The following MYO1D variants were observed in gnomAD, a reference collection of about 807,000 sequenced individuals.
MYO1D encodes myosin ID.
MYO1D carries 83 observed loss-of-function variants against 122.0 expected under a neutral mutation model. The observed-to-expected ratio is 0.68, with a 90% CI of 0.57 to 0.82. The LOEUF is 0.82. Among genes scored for constraint, MYO1D ranks in the 40% least tolerant of loss-of-function variants. MYO1D has a pLI of 0.00. For missense variants in MYO1D, 1,157 were observed against 1,269.5 expected (o/e 0.91, Z 1.35); for synonymous variants, 464 against 446.9 (o/e 1.04, Z -0.48).
At chr17:32,794,359 A>T (rs1416801821) in intron 1 of MYO1D, 1 of 152,146 alleles carries the variant, frequency 6.6e-6, no homozygotes, top group Non-Finnish European at 1.5e-5. Context: ...GAATTATCTT[A>T]CCTTTCCTCT....
At chr17:32,697,889 T>C (rs2089193586) in intron 16 of MYO1D, among the ~76,000 whole-genome samples, 1 of 152,230 alleles carries the variant, frequency 6.6e-6, no homozygotes, top group Non-Finnish European at 1.5e-5. Flanking sequence ...TCTGAACACA[T>C]CACCTTTGTG....
chr17:32,718,978 A>G (rs2089478307), intron 15 of MYO1D, among the ~76,000 whole-genome samples: 1 of 152,228 alleles, frequency 6.6e-6, no homozygotes. Flanking sequence ...ATTTCTGCCT[A>G]GATACTTAGT....
At chr17:32,611,300 C>T (rs1006000798) in intron 20 of MYO1D, among the ~76,000 whole-genome samples, 1 of 152,158 alleles carries the variant, frequency 6.6e-6, no homozygotes, top group African/African-American at 2.4e-5. Context: ...TGATAAATTA[C>T]ATACACAATG....
At chr17:32,782,379 T>C (rs1042612747) in intron 1 of MYO1D, among the ~76,000 whole-genome samples, 2 of 152,166 alleles carry the variant, frequency 1.3e-5, no homozygotes, top group African/African-American at 4.8e-5. Flanking sequence ...AATGCTCACA[T>C]TGCAAACTCA....
chr17:32,646,135 GA>G (rs1239784180), intron 19 of MYO1D, among the ~76,000 whole-genome samples: 5 of 152,122 alleles, frequency 3.3e-5, no homozygotes, highest in Non-Finnish European at 2.9e-5. Flanking sequence ...AGGATCCCAT[GA>G]ATATATTAAA....
chr17:32,752,947 C>T (rs932336751), intron 11 of MYO1D, among the ~76,000 whole-genome samples: 3 of 151,890 alleles, frequency 2.0e-5, no homozygotes, highest in African/African-American at 4.8e-5. Flanking sequence ...CCAGGTATAA[C>T]GAAAAGATAT....
chr17:32,525,286 G>C (rs544250207), intron 21 of MYO1D, among the ~76,000 whole-genome samples: 10 of 152,352 alleles, frequency 6.6e-5, no homozygotes, highest in Non-Finnish European at 7.3e-5. Context: ...ATCTCACTGA[G>C]AGACCTGATC....
chr17:32,826,119 T>C (rs2090720579), intron 1 of MYO1D, among the ~76,000 whole-genome samples: 1 of 151,852 alleles, frequency 6.6e-6, no homozygotes, highest in South Asian at 2.1e-4. Flanking sequence ...GAGAATACAC[T>C]TCCTGAAGAA....
In MYO1D at chr17:32,638,385, C is replaced by T. The variant is rs1325118265; in HGVS notation, c.2709+337G>A. The stretch of plus-strand genomic sequence containing the variant: ...AGTAATATTTTAAGTAATCCCCTAC[C>T]GATTTTCTACCATTTCCATATAAAA... On this transcript the variant is annotated intron_variant, in intron 20 of 21. Coordinates refer to ENST00000318217, the MANE Select transcript of MYO1D (RefSeq NM_015194.3). Among the ~76,000 whole-genome samples, 5 of 151,970 alleles carry T rather than the reference C, an allele frequency of 3.3e-5. No individual in the cohort carries two copies. In the South Asian group the frequency reaches 6.2e-4, roughly 19 times the overall value.
At chr17:32,657,599 T>C (rs909489056) in intron 17 of MYO1D, among the ~76,000 whole-genome samples, 1 of 152,250 alleles carries the variant, frequency 6.6e-6, no homozygotes, top group East Asian at 1.9e-4. Flanking sequence ...CACGTGTGCG[T>C]ATACAGAACA....
chr17:32,808,633 G>A (rs1003092212), intron 1 of MYO1D, among the ~76,000 whole-genome samples: 2 of 152,126 alleles, frequency 1.3e-5, no homozygotes, highest in Admixed American at 6.5e-5. Context: ...ATTTGGAGAG[G>A]GGGCCTTTGG....
chr17:32,669,607 G>A (rs569660294), intron 16 of MYO1D, among the ~76,000 whole-genome samples: 1 of 152,132 alleles, frequency 6.6e-6, no homozygotes, highest in Non-Finnish European at 1.5e-5. Flanking sequence ...TAAATTTGCA[G>A]GCCCCAGGCA....
Position 32,550,058 on chromosome 17 carries a change from G to A in MYO1D, c.2864+55029C>T, listed in dbSNP as rs114716077. ...TGTTAGGTCAAATCTCCTTTACAAT[G>A]AATCCCATGAAAACAAAATGATTTT... On this transcript the variant is annotated intron_variant, in intron 21 of 21. Coordinates refer to ENST00000318217, the MANE Select transcript of MYO1D (RefSeq NM_015194.3). Among the ~76,000 whole-genome samples, 1,013 of 151,706 alleles carry A rather than the reference G, an allele frequency of 6.7e-3. 8 individuals carry two copies. Among genetic ancestry groups the A allele is most frequent in the African/African-American group, 0.022 (894 of 41,356 alleles).
intron 11 of MYO1D, among the ~76,000 whole-genome samples, chr17:32,749,295 G>T (rs1271550602): frequency 6.6e-6 from 1 of 152,188 alleles, no homozygotes. Flanking sequence ...GGTGAAAAGT[G>T]AATGATTCCC....
intron 1 of MYO1D, among the ~76,000 whole-genome samples, chr17:32,797,682 C>T (rs151045198): frequency 8.0e-4 from 122 of 152,322 alleles, no homozygotes; most frequent in African/African-American, 2.7e-3. Flanking sequence ...CAGGCATCCA[C>T]TAGATGTCTT....
At chr17:32,637,626 G>A (rs1238514486) in intron 20 of MYO1D, among the ~76,000 whole-genome samples, 4 of 152,088 alleles carry the variant, frequency 2.6e-5, no homozygotes, top group Admixed American at 6.6e-5. Context: ...ACCTGATATC[G>A]TGCCACTGCA....
At chr17:32,857,241 A>G (rs926426659) in intron 1 of MYO1D, among the ~76,000 whole-genome samples, 2 of 152,140 alleles carry the variant, frequency 1.3e-5, no homozygotes, top group Non-Finnish European at 2.9e-5. Flanking sequence ...ATTTTATGGA[A>G]TCTAATCCTG....
At chr17:32,521,574 G>A (rs959343491) in intron 21 of MYO1D, among the ~76,000 whole-genome samples, 9 of 152,130 alleles carry the variant, frequency 5.9e-5, no homozygotes, top group East Asian at 5.8e-4. Flanking sequence ...AAAATGTTTC[G>A]GGAAAACATT....
At chr17:32,799,891 CTTGAA>C (rs1207533132) in intron 1 of MYO1D, among the ~76,000 whole-genome samples, 1 of 152,062 alleles carries the variant, frequency 6.6e-6, no homozygotes, top group Non-Finnish European at 1.5e-5. Context: ...GGGCAAAGGA[CTTGAA>C]TTGATATTTC....
Sources: gnomAD v4.1 joint callset for allele counts (sites outside exome capture counted in the v4.1 genomes callset) on GRCh38, gnomAD v4.1.1 for gene constraint, MANE v1.5 for transcripts, NCBI Gene and HGNC (gene_info 2026-07-23, HGNC 2026-07-21) for gene names.